The following ITSN1 variants were observed in gnomAD, a reference collection of about 807,000 sequenced individuals.
The protein encoded by ITSN1 is intersectin-1.
In ITSN1, 58 loss-of-function variants were observed where a neutral mutation model predicts 239.8. That is an observed-to-expected ratio of 0.24 (90% CI 0.20 to 0.30). The LOEUF (loss-of-function observed/expected upper bound fraction) is 0.30. ITSN1 is among the 10% of genes least tolerant of loss of function. The pLI is 1.00. For synonymous variants in ITSN1, 780 were observed against 770.8 expected (o/e 1.01, Z -0.20); for missense variants, 1,558 against 2,103.3 (o/e 0.74, Z 5.07).
At chr21:33,803,505 A>T (rs1602328230) in intron 20 of ITSN1, among the ~76,000 whole-genome samples, 1 of 152,240 alleles carries the variant, frequency 6.6e-6, no homozygotes, top group East Asian at 1.9e-4. Context: ...TGTAGATCAC[A>T]TATACACATA....
At chr21:33,748,793 A>G (rs1332376100) in intron 5 of ITSN1, among the ~76,000 whole-genome samples, 2 of 152,128 alleles carry the variant, frequency 1.3e-5, no homozygotes, top group Non-Finnish European at 2.9e-5. Flanking sequence ...TGAGCCCAGA[A>G]GGTGAAGGCT....
chr21:33,898,606 C>T lies in ITSN1; in HGVS notation c.*10306C>T, dbSNP rs769936306. On this transcript the variant is annotated 3_prime_UTR_variant, in exon 40 of 40. Coordinates refer to ENST00000381318, the MANE Select transcript of ITSN1 (RefSeq NM_003024.3). ...GGGCAACCCCAGGAGTCCAGCCTCC[C>T]CTGGCAGCCTGGAAATACTGCAGTA... 3.3e-5 allele frequency: 5 copies of T among 152,266 alleles called. No homozygotes were observed. The highest frequency in any genetic ancestry group is 4.8e-5 in the African/African-American group (2 of 41,456). 9.4% of individuals were successfully genotyped at this position (152,266 alleles called of 1,614,324 possible). A position where few individuals can be genotyped will look rare whatever the true frequency, so the allele number is the denominator to read the frequency against.
chr21:33,835,727 T>C (rs1213641567), intron 28 of ITSN1, among the ~76,000 whole-genome samples: 7 of 152,132 alleles, frequency 4.6e-5, no homozygotes, highest in Admixed American at 4.6e-4. Context: ...GGCCAGGAGT[T>C]CGAGACCAGC....
intron 3 of ITSN1, 145 bp downstream of exon 3, chr21:33,721,415 C>A: frequency 1.7e-6 from 1 of 593,144 alleles, no homozygotes; most frequent in Non-Finnish European, 3.0e-6. Flanking sequence ...TGTCCTTTTA[C>A]AATTTTTTTA....
intron 1 of ITSN1, among the ~76,000 whole-genome samples, chr21:33,684,251 A>G (rs1161534468): frequency 6.6e-6 from 1 of 152,184 alleles, no homozygotes; most frequent in East Asian, 1.9e-4. Flanking sequence ...GTCAACTCAC[A>G]GGTCAGACAT....
rs184165951 is a variant in ITSN1 at position 33,701,358 on chromosome 21, C to G, written c.-32-17439C>G. On this transcript the variant is annotated intron_variant, in intron 1 of 39. Transcript: ENST00000381318. The stretch of plus-strand genomic sequence containing the variant: ...CTGTTGTGGGAAATTGATCTAGACT[C>G]AAGTGATCTCCCTGCTTCGGCCTCC... Among the ~76,000 whole-genome samples, 413 of 152,258 alleles carry G rather than the reference C, an allele frequency of 2.7e-3. 2 individuals carry two copies. The highest frequency in any genetic ancestry group is 9.5e-3 in the African/African-American group (395 of 41,556).
chr21:33,676,619 T>C (rs977459659), intron 1 of ITSN1, among the ~76,000 whole-genome samples: 6 of 152,228 alleles, frequency 3.9e-5, no homozygotes, highest in African/African-American at 1.2e-4. Context: ...TATTTTAGTG[T>C]GGCCAAATGT....
chr21:33,818,195 C>T (rs1245245128), intron 22 of ITSN1, 72 bp from the exon 23 acceptor site: 2 of 1,276,774 alleles, frequency 1.6e-6, no homozygotes, highest in African/African-American at 3.0e-5. Context: ...GGAGAGGTGC[C>T]ATGCTCACGT....
intron 4 of ITSN1, among the ~76,000 whole-genome samples, chr21:33,727,897 C>T (rs189424319): frequency 2.6e-5 from 4 of 151,962 alleles, no homozygotes; most frequent in Admixed American, 6.6e-5. Flanking sequence ...GCCCACTGTT[C>T]GAGCATCTGG....
intron 11 of ITSN1, among the ~76,000 whole-genome samples, chr21:33,768,274 A>G (rs1401110776): frequency 6.6e-6 from 1 of 151,950 alleles, no homozygotes; most frequent in Non-Finnish European, 1.5e-5. Context: ...ATGTGAACCT[A>G]TTTTATTTTA....
intron 1 of ITSN1, among the ~76,000 whole-genome samples, chr21:33,685,671 A>G (rs994846635): frequency 2.7e-5 from 4 of 149,586 alleles, no homozygotes; most frequent in African/African-American, 9.8e-5. Flanking sequence ...ATCAGCAAGT[A>G]TTGGTTGACT....
At chr21:33,833,507 G>T (rs1356036243) in intron 27 of ITSN1, among the ~76,000 whole-genome samples, 2 of 152,206 alleles carry the variant, frequency 1.3e-5, no homozygotes, top group Non-Finnish European at 2.9e-5. Context: ...TCTGGAAATT[G>T]AGAATAATAA....
intron 1 of ITSN1, among the ~76,000 whole-genome samples, chr21:33,672,996 A>G (rs1281879226): frequency 6.6e-6 from 1 of 152,186 alleles, no homozygotes; most frequent in Non-Finnish European, 1.5e-5. Flanking sequence ...GGCGGGAGGC[A>G]CCACGCCTGG....
At chr21:33,642,940 C>T (rs1477815139) in intron 1 of ITSN1, among the ~76,000 whole-genome samples, 3 of 150,646 alleles carry the variant, frequency 2.0e-5, no homozygotes, top group African/African-American at 7.3e-5. Context: ...GGCGGGCGGA[C>T]CCGCACTGGG....
intron 1 of ITSN1, among the ~76,000 whole-genome samples, chr21:33,714,181 A>G (rs2092502525): frequency 6.6e-6 from 1 of 152,208 alleles, no homozygotes; most frequent in Non-Finnish European, 1.5e-5. Flanking sequence ...AATAAACCTG[A>G]AAGGTACATC....
Position 33,830,165 on chromosome 21 carries a change from C to T in ITSN1, c.3351+420C>T, listed in dbSNP as rs999134327. 1.6e-4 allele frequency among the ~76,000 whole-genome samples: 25 copies of T among 152,224 alleles called. No homozygotes were observed. The South Asian group carries it at 3.9e-3, about 24-fold the overall frequency. ...AGTATTTTTAGTTCCCGTGTGTGTG[C>T]GCGCACGTGTGTGTGTGTGTATTGT... On this transcript the variant is annotated intron_variant, in intron 27 of 39. Transcript: ENST00000381318.
At chr21:33,658,835 C>T (rs180674427) in intron 1 of ITSN1, among the ~76,000 whole-genome samples, 23 of 152,122 alleles carry the variant, frequency 1.5e-4, no homozygotes, top group Non-Finnish European at 2.9e-4. Context: ...AATTTTATAT[C>T]ATTTTGTTCC....
At chr21:33,832,083 C>T (rs555686785) in intron 27 of ITSN1, among the ~76,000 whole-genome samples, 3 of 152,286 alleles carry the variant, frequency 2.0e-5, no homozygotes, top group East Asian at 1.9e-4. Flanking sequence ...CCCCTCTCCC[C>T]GGTGCAGCCT....
intron 1 of ITSN1, among the ~76,000 whole-genome samples, chr21:33,646,789 G>C (rs930473133): frequency 6.6e-6 from 1 of 152,164 alleles, no homozygotes; most frequent in African/African-American, 2.4e-5. Flanking sequence ...TTTAATTATT[G>C]TACTACTGGA....
Sources: allele counts gnomAD v4.1 joint callset (sites outside exome capture counted in the v4.1 genomes callset), GRCh38; gene constraint gnomAD v4.1.1; transcripts MANE v1.5; gene names NCBI Gene and HGNC (gene_info 2026-07-23, HGNC 2026-07-21).